PKIB: variants seen among roughly 807,000 people sequenced by gnomAD.
PKIB encodes PKI-beta.
In PKIB, 2 loss-of-function variants were observed where a neutral mutation model predicts 4.5. That is an observed-to-expected ratio of 0.44 (90% CI 0.18 to 1.39). PKIB has a LOEUF of 1.39. PKIB is among the 40% of genes most tolerant of loss of function. The probability of loss-of-function intolerance (pLI) is 0.27; values close to 1 mark genes in which losing one functional copy is unlikely to be tolerated. For synonymous variants in PKIB, 38 were observed against 36.0 expected, an observed-to-expected ratio of 1.06 and a Z score of -0.20; for missense variants, 94 against 92.6, an observed-to-expected ratio of 1.02 and a Z score of -0.06.
intron 3 of PKIB, among the ~76,000 whole-genome samples, chr6:122,603,308 A>C (rs1247696182): frequency 6.6e-6 from 1 of 152,150 alleles, no homozygotes; most frequent in Non-Finnish European, 1.5e-5. Context: ...ATATTTTCCA[A>C]TTTAATAAGA....
intron 1 of PKIB, among the ~76,000 whole-genome samples, chr6:122,620,955 C>A (rs758078017): frequency 3.7e-4 from 56 of 152,090 alleles, no homozygotes; most frequent in Non-Finnish European, 6.6e-4. Flanking sequence ...ATCCAGACCA[C>A]CTTTTGATGA....
At chr6:122,628,473 A>G (rs1775558181) in intron 1 of PKIB, among the ~76,000 whole-genome samples, 2 of 152,206 alleles carry the variant, frequency 1.3e-5, no homozygotes, top group African/African-American at 4.8e-5. Context: ...TGGGCTTCTT[A>G]GCTATGTGAT....
intron 2 of PKIB, among the ~76,000 whole-genome samples, chr6:122,635,513 G>C (rs547652396): frequency 2.1e-5 from 3 of 143,938 alleles, no homozygotes; most frequent in Admixed American, 7.0e-5. Context: ...ACATTTTTCT[G>C]ATTTATTTAA....
intron 2 of PKIB, among the ~76,000 whole-genome samples, chr6:122,540,603 A>G (rs1480853276): frequency 6.6e-6 from 1 of 151,764 alleles, no homozygotes; most frequent in Non-Finnish European, 1.5e-5. Context: ...ACTTCCAACT[A>G]TGTGGTCAAT....
At chr6:122,677,058 A>G (rs1355988350) in intron 3 of PKIB, among the ~76,000 whole-genome samples, 2 of 152,192 alleles carry the variant, frequency 1.3e-5, no homozygotes, top group Non-Finnish European at 2.9e-5. Flanking sequence ...TATGGATGAT[A>G]TTGGTATTTG....
intron 2 of PKIB, among the ~76,000 whole-genome samples, chr6:122,655,740 A>G (rs1315727912): frequency 2.0e-5 from 3 of 152,204 alleles, no homozygotes; most frequent in Admixed American, 2.0e-4. Flanking sequence ...AATAACCTTA[A>G]TATTGATAAT....
At chr6:122,708,782 C>T (rs1225436392) in intron 3 of PKIB, among the ~76,000 whole-genome samples, 2 of 152,000 alleles carry the variant, frequency 1.3e-5, no homozygotes, top group African/African-American at 4.8e-5. Context: ...TACAGGCATG[C>T]GTCACCACGC....
chr6:122,487,380 T>C (rs527297222), intron 2 of PKIB, among the ~76,000 whole-genome samples: 5 of 152,282 alleles, frequency 3.3e-5, no homozygotes, highest in African/African-American at 1.2e-4. Context: ...ATTCAGCTTG[T>C]TATGTTCTGA....
intron 2 of PKIB, among the ~76,000 whole-genome samples, chr6:122,582,342 A>T (rs975110541): frequency 3.3e-5 from 5 of 151,984 alleles, no homozygotes; most frequent in Admixed American, 2.6e-4. Flanking sequence ...TAAGAGAGGG[A>T]TAAGGAGATG....
At chr6:122,646,546 T>TA (rs1437641737) in intron 2 of PKIB, among the ~76,000 whole-genome samples, 22 of 152,196 alleles carry the variant, frequency 1.4e-4, no homozygotes, top group African/African-American at 5.1e-4. Context: ...TGTTCACTTT[T>TA]AAAAAATCTA....
intron 3 of PKIB, among the ~76,000 whole-genome samples, chr6:122,683,305 T>C (rs546140779): frequency 6.6e-6 from 1 of 152,114 alleles, no homozygotes; most frequent in South Asian, 2.1e-4. Context: ...AATCTTCCAA[T>C]CATGGTAGAA....
At chr6:122,593,942 C>G (rs1240444723) in intron 3 of PKIB, among the ~76,000 whole-genome samples, 6 of 152,156 alleles carry the variant, frequency 3.9e-5, no homozygotes, top group Non-Finnish European at 7.3e-5. Flanking sequence ...TCAATGCAAT[C>G]AAGTTGACAC....
upstream of PKIB, among the ~76,000 whole-genome samples, chr6:122,608,630 T>C (rs1202648071): frequency 5.3e-5 from 8 of 152,350 alleles, 1 homozygote; most frequent in South Asian, 6.2e-4. Context: ...TTAATACTTA[T>C]TCATTTCAAA....
chr6:122,483,036 A>T (rs1775670278), intron 2 of PKIB: 1 of 150,894 alleles, frequency 6.6e-6, no homozygotes, highest in Admixed American at 6.6e-5. Context: ...TAGGGACTCA[A>T]CCAGCCTGCT....
intron 3 of PKIB, among the ~76,000 whole-genome samples, chr6:122,679,225 G>A (rs1422300387): frequency 3.3e-5 from 5 of 152,228 alleles, no homozygotes; most frequent in Non-Finnish European, 1.5e-5. Flanking sequence ...CCTGTGTTTG[G>A]AGGTGAAAGG....
At chr6:122,502,048 G>A (rs1310395806) in intron 2 of PKIB, among the ~76,000 whole-genome samples, 8 of 150,446 alleles carry the variant, frequency 5.3e-5, no homozygotes, top group African/African-American at 1.7e-4. Flanking sequence ...TGCCTCCCCA[G>A]TTCAAGTGAT....
intron 2 of PKIB, chr6:122,585,346 A>G (rs747338265): frequency 1.3e-5 from 2 of 152,188 alleles, no homozygotes; most frequent in African/African-American, 4.8e-5. Context: ...CAGATGGTCT[A>G]CTGAATAATT....
At chr6:122,475,096 T>C (rs1201499666) in intron 1 of PKIB, among the ~76,000 whole-genome samples, 1 of 152,108 alleles carries the variant, frequency 6.6e-6, no homozygotes, top group Admixed American at 6.5e-5. Flanking sequence ...TTCAGTGGCC[T>C]GATCTCGGCT....
upstream of PKIB, among the ~76,000 whole-genome samples, chr6:122,607,492 T>A (rs1483874695): frequency 6.6e-6 from 1 of 152,150 alleles, no homozygotes; most frequent in African/African-American, 2.4e-5. Flanking sequence ...CACTCCAGCC[T>A]GGGTGAGAGA....
Sources: gnomAD v4.1 joint callset for allele counts (sites outside exome capture counted in the v4.1 genomes callset) on GRCh38, gnomAD v4.1.1 for gene constraint, MANE v1.5 for transcripts, NCBI Gene and HGNC (gene_info 2026-07-23, HGNC 2026-07-21) for gene names.